PRKAR2A: variants seen among roughly 807,000 people sequenced by gnomAD.
PRKAR2A encodes cAMP-dependent protein kinase type II-alpha regulatory subunit.
Under a neutral mutation model 51.9 loss-of-function variants are expected in PRKAR2A, and 29 were observed. That is an observed-to-expected ratio of 0.56 (90% CI 0.42 to 0.76). The LOEUF is 0.76. Ranked by LOEUF, PRKAR2A falls within the 30% of genes least tolerant of loss-of-function variation. PRKAR2A has a pLI of 0.00. For synonymous variants in PRKAR2A, 178 were observed against 186.2 expected (o/e 0.96, Z 0.36); for missense variants, 445 against 512.1 (o/e 0.87, Z 1.26).
At chr3:48,796,769 C>T (rs1454104512) in intron 2 of PRKAR2A, among the ~76,000 whole-genome samples, 1 of 149,882 alleles carries the variant, frequency 6.7e-6, no homozygotes, top group African/African-American at 2.5e-5. Flanking sequence ...AGATTACAGA[C>T]GTGAGCAACC....
intron 2 of PRKAR2A, among the ~76,000 whole-genome samples, chr3:48,794,296 C>T (rs1336989964): frequency 6.6e-6 from 1 of 151,548 alleles, no homozygotes; most frequent in Non-Finnish European, 1.5e-5. Context: ...GGATTACAGG[C>T]ATGCACCACC....
chr3:48,785,526 C>T (rs2082276347), intron 4 of PRKAR2A, among the ~76,000 whole-genome samples: 1 of 152,042 alleles, frequency 6.6e-6, no homozygotes. Flanking sequence ...TCCCAAAGTG[C>T]TAGGATTACA....
chr3:48,759,641 C>A (rs1270172643), intron 8 of PRKAR2A, among the ~76,000 whole-genome samples: 1 of 152,188 alleles, frequency 6.6e-6, no homozygotes, highest in Non-Finnish European at 1.5e-5. Context: ...CCTGCCTCGG[C>A]CTCCCTAAGT....
chr3:48,828,880 C>G (rs144519232), intron 1 of PRKAR2A, among the ~76,000 whole-genome samples: 8,451 of 151,846 alleles, frequency 0.056, 336 homozygotes, highest in Non-Finnish European at 0.088. Context: ...GTCACCCAGG[C>G]TGGAGTGCAG....
intron 6 of PRKAR2A, among the ~76,000 whole-genome samples, chr3:48,768,477 C>T (rs2081975651): frequency 6.6e-6 from 1 of 151,734 alleles, no homozygotes; most frequent in Non-Finnish European, 1.5e-5. Context: ...GTGGGTGGAT[C>T]ACTTGAGGTC....
At chr3:48,836,463 A>AAT (rs1401417956) in intron 1 of PRKAR2A, among the ~76,000 whole-genome samples, 200 of 103,116 alleles carry the variant, frequency 1.9e-3, no homozygotes, top group African/African-American at 6.9e-3. Context: ...AAGCTTTTTT[A>AAT]ATATATATAT....
intron 5 of PRKAR2A, among the ~76,000 whole-genome samples, chr3:48,777,056 C>G (rs561105291): frequency 2.0e-5 from 3 of 152,206 alleles, no homozygotes; most frequent in South Asian, 2.1e-4. Context: ...TGAGTGCTCC[C>G]TCCTTCGGTG....
chr3:48,780,870 A>G (rs1332507811), intron 5 of PRKAR2A, among the ~76,000 whole-genome samples: 2 of 152,180 alleles, frequency 1.3e-5, no homozygotes, highest in Admixed American at 6.5e-5. Flanking sequence ...TGTGTTTTTT[A>G]TAATTGTTCT....
At chr3:48,837,094 C>A (rs2083299160) in intron 1 of PRKAR2A, among the ~76,000 whole-genome samples, 1 of 151,914 alleles carries the variant, frequency 6.6e-6, no homozygotes, top group African/African-American at 2.4e-5. Flanking sequence ...CACCACTATA[C>A]TCCAGCCAGG....
At chr3:48,759,332 T>A (rs2081825608) in intron 8 of PRKAR2A, among the ~76,000 whole-genome samples, 1 of 151,726 alleles carries the variant, frequency 6.6e-6, no homozygotes, top group African/African-American at 2.4e-5. Context: ...CAGGGTAGAA[T>A]GAGATGACTA....
chr3:48,773,225 G>A, intron 5 of PRKAR2A, 117 bp from the exon 6 acceptor site: 2 of 738,944 alleles, frequency 2.7e-6, no homozygotes, highest in Non-Finnish European at 4.0e-6. Context: ...AACTTTGCTA[G>A]TATATAAAAA....
At chr3:48,795,788 G>A (rs2082482142) in intron 2 of PRKAR2A, among the ~76,000 whole-genome samples, 1 of 152,148 alleles carries the variant, frequency 6.6e-6, no homozygotes, top group African/African-American at 2.4e-5. Flanking sequence ...ATCTGCCTTG[G>A]CCTCCCAAAG....
chr3:48,810,353 T>C (rs2082752173), intron 1 of PRKAR2A, among the ~76,000 whole-genome samples: 1 of 152,118 alleles, frequency 6.6e-6, no homozygotes, highest in Non-Finnish European at 1.5e-5. Flanking sequence ...AATCTGAAGA[T>C]ACTCAAAAAT....
intron 1 of PRKAR2A, among the ~76,000 whole-genome samples, chr3:48,811,533 T>C (rs2082770453): frequency 6.6e-6 from 1 of 152,052 alleles, no homozygotes; most frequent in Admixed American, 6.6e-5. Context: ...CCCAAAAACA[T>C]TTAAATAAAA....
intron 1 of PRKAR2A, among the ~76,000 whole-genome samples, chr3:48,832,557 C>T (rs1396781288): frequency 6.6e-6 from 1 of 152,032 alleles, no homozygotes; most frequent in East Asian, 1.9e-4. Flanking sequence ...AGTGAATATA[C>T]AATATACAAG....
chr3:48,825,620 G>A (rs1038073376), intron 1 of PRKAR2A, among the ~76,000 whole-genome samples: 2 of 151,926 alleles, frequency 1.3e-5, no homozygotes, highest in African/African-American at 2.4e-5. Flanking sequence ...CTCCAGCCTG[G>A]ACAAGAGAGA....
intron 8 of PRKAR2A, among the ~76,000 whole-genome samples, chr3:48,760,838 A>G (rs2081853853): frequency 6.7e-6 from 1 of 149,826 alleles, no homozygotes; most frequent in Non-Finnish European, 1.5e-5. Context: ...TCCGTCTCAA[A>G]AAAAAAAAAA....
At chr3:48,829,311 G>A (rs1575941903) in intron 1 of PRKAR2A, among the ~76,000 whole-genome samples, 1 of 151,318 alleles carries the variant, frequency 6.6e-6, no homozygotes, top group East Asian at 2.0e-4. Flanking sequence ...CTGAGGTCAG[G>A]AGTTCGAGGC....
chr3:48,790,407 A>G, intron 4 of PRKAR2A, 137 bp downstream of exon 4: 1 of 509,520 alleles, frequency 2.0e-6, no homozygotes, highest in Non-Finnish European at 3.4e-6. Context: ...CAATGAAAAC[A>G]TCTGTATGTA....
Sources: allele counts gnomAD v4.1 joint callset (sites outside exome capture counted in the v4.1 genomes callset), GRCh38; gene constraint gnomAD v4.1.1; transcripts MANE v1.5; gene names NCBI Gene and HGNC (gene_info 2026-07-23, HGNC 2026-07-21).